The following PAPSS1 variants were observed in gnomAD, a reference collection of about 807,000 sequenced individuals.
PAPSS1 encodes bifunctional 3'-phosphoadenosine 5'-phosphosulfate synthase 1.
PAPSS1 carries 50 observed loss-of-function variants against 72.0 expected under a neutral mutation model. The observed-to-expected ratio is 0.69, with a 90% CI of 0.55 to 0.88. The LOEUF (loss-of-function observed/expected upper bound fraction) is 0.88. Among genes scored for constraint, PAPSS1 ranks in the 40% least tolerant of loss-of-function variants. The probability of loss-of-function intolerance (pLI) is 0.00; values close to 1 mark genes in which losing one functional copy is unlikely to be tolerated. For missense variants in PAPSS1, 657 were observed against 782.2 expected (o/e 0.84, Z 1.91); for synonymous variants, 261 against 263.6 (o/e 0.99, Z 0.09).
chr4:107,685,584 GC>G (rs1223133944), intron 4 of PAPSS1, among the ~76,000 whole-genome samples: 2 of 152,146 alleles, frequency 1.3e-5, no homozygotes, highest in Non-Finnish European at 1.5e-5. Context: ...TGGTTAAGCA[GC>G]CTGATCTTTC....
chr4:107,639,613 T>C (rs1726485191), intron 10 of PAPSS1, among the ~76,000 whole-genome samples: 1 of 152,154 alleles, frequency 6.6e-6, no homozygotes, highest in Non-Finnish European at 1.5e-5. Context: ...TACTACTCAA[T>C]AAACTTTGGA....
intron 10 of PAPSS1, among the ~76,000 whole-genome samples, chr4:107,637,281 C>T (rs1578389916): frequency 6.6e-6 from 1 of 152,236 alleles, no homozygotes; most frequent in East Asian, 1.9e-4. Context: ...TCATTTGTTC[C>T]AAATCCATTT....
intron 10 of PAPSS1, among the ~76,000 whole-genome samples, chr4:107,644,115 C>T (rs960977129): frequency 2.0e-5 from 3 of 152,140 alleles, no homozygotes; most frequent in East Asian, 1.9e-4. Context: ...CATGCTCTTT[C>T]GGGTAGTGAG....
intron 2 of PAPSS1, 31 bp from the exon 3 acceptor site, chr4:107,694,037 G>T (rs1472954610): frequency 1.4e-6 from 2 of 1,456,888 alleles, no homozygotes; most frequent in Non-Finnish European, 1.9e-6. Flanking sequence ...CAGATTCCAT[G>T]TGTAAAGTTA....
At chr4:107,714,232 G>C (rs1258156529) in intron 1 of PAPSS1, among the ~76,000 whole-genome samples, 5 of 152,106 alleles carry the variant, frequency 3.3e-5, no homozygotes, top group African/African-American at 1.2e-4. Context: ...AATTCTTAAT[G>C]TTTCCTCTTA....
chr4:107,689,087 C>T (rs888927465), intron 3 of PAPSS1, among the ~76,000 whole-genome samples: 4 of 152,182 alleles, frequency 2.6e-5, no homozygotes, highest in Non-Finnish European at 4.4e-5. Flanking sequence ...CTTGTCTGAA[C>T]GGCCTCAACA....
chr4:107,621,293 G>A (rs1232993950), intron 11 of PAPSS1, among the ~76,000 whole-genome samples: 1 of 152,078 alleles, frequency 6.6e-6, no homozygotes, highest in Non-Finnish European at 1.5e-5. Context: ...CTAGTAGCAT[G>A]GAACGATGCT....
chr4:107,671,634 C>G (rs1727470270), intron 5 of PAPSS1, among the ~76,000 whole-genome samples: 1 of 152,106 alleles, frequency 6.6e-6, no homozygotes, highest in Non-Finnish European at 1.5e-5. Context: ...GTACAGTCAT[C>G]CCTCAGTATC....
chr4:107,704,332 T>A (rs1306876751), intron 1 of PAPSS1, among the ~76,000 whole-genome samples: 2 of 152,226 alleles, frequency 1.3e-5, no homozygotes, highest in East Asian at 3.8e-4. Flanking sequence ...GGATGCCTTT[T>A]ATTTATTTCT....
rs1384884236 is a variant in PAPSS1, at chr4:107,719,814, C to T, written c.60+306G>A. ...GGAGGTTTCAGCAAGCGCCAGTTCA[C>T]GGGTGAAGGATTTTCCTGGGGGTCT... On this transcript the variant is annotated intron_variant, in intron 1 of 11. Coordinates refer to ENST00000265174, the MANE Select transcript of PAPSS1 (RefSeq NM_005443.5). 24 of 1,242,340 alleles carry T rather than the reference C, an allele frequency of 1.9e-5. No individual in the cohort carries two copies. The South Asian group carries it at 4.5e-4, about 23-fold the overall frequency. The allele number at this position is 1,242,340 out of a possible 1,614,324, so 77.0% of individuals were successfully genotyped here.
At chr4:107,697,680 T>C (rs1325381230) in intron 2 of PAPSS1, among the ~76,000 whole-genome samples, 1 of 152,178 alleles carries the variant, frequency 6.6e-6, no homozygotes, top group Non-Finnish European at 1.5e-5. Context: ...AGGAAACTGA[T>C]AATACAAGAT....
At chr4:107,678,561 G>T (rs1727721360) in intron 5 of PAPSS1, among the ~76,000 whole-genome samples, 1 of 151,812 alleles carries the variant, frequency 6.6e-6, no homozygotes, top group Non-Finnish European at 1.5e-5. Context: ...AACATGGGAG[G>T]AAGAGGTAGT....
intron 11 of PAPSS1, among the ~76,000 whole-genome samples, chr4:107,628,732 T>C (rs2110300503): frequency 6.6e-6 from 1 of 152,294 alleles, no homozygotes; most frequent in East Asian, 1.9e-4. Flanking sequence ...CCTACTAAGG[T>C]GTAAAAATAA....
chr4:107,697,291 T>A (rs529880244), intron 2 of PAPSS1, among the ~76,000 whole-genome samples: 54 of 152,310 alleles, frequency 3.5e-4, no homozygotes, highest in Non-Finnish European at 1.5e-4. Context: ...CCCTTTTAAA[T>A]CCCTTACCTT....
chr4:107,676,190 C>T (rs112975107), intron 5 of PAPSS1, among the ~76,000 whole-genome samples: 6 of 152,096 alleles, frequency 3.9e-5, no homozygotes, highest in South Asian at 2.1e-4. Flanking sequence ...CCAGGGCAAT[C>T]AGGCAGGAGA....
chr4:107,628,841 G>C (rs1180747111), intron 11 of PAPSS1, among the ~76,000 whole-genome samples: 1 of 152,220 alleles, frequency 6.6e-6, no homozygotes, highest in Non-Finnish European at 1.5e-5. Flanking sequence ...ACAGGGCAGA[G>C]AAGACAGGAC....
chr4:107,630,110 C>T (rs1327993871), intron 11 of PAPSS1, among the ~76,000 whole-genome samples: 2 of 152,172 alleles, frequency 1.3e-5, no homozygotes, highest in African/African-American at 4.8e-5. Context: ...TCTTTTTTAT[C>T]CCTAGTCTCC....
chr4:107,651,883 G>A (rs1248751570), intron 9 of PAPSS1, among the ~76,000 whole-genome samples: 2 of 152,060 alleles, frequency 1.3e-5, no homozygotes, highest in Non-Finnish European at 2.9e-5. Flanking sequence ...TATGCTTTAG[G>A]TACCATCAAT....
At chr4:107,688,626 C>T (rs1560585928) in intron 3 of PAPSS1, among the ~76,000 whole-genome samples, 1 of 152,068 alleles carries the variant, frequency 6.6e-6, no homozygotes, top group Non-Finnish European at 1.5e-5. Context: ...TCCTCCTGGG[C>T]TCCTCCTATT....
Sources: gnomAD v4.1 joint callset for allele counts (sites outside exome capture counted in the v4.1 genomes callset) on GRCh38, gnomAD v4.1.1 for gene constraint, MANE v1.5 for transcripts, NCBI Gene and HGNC (gene_info 2026-07-23, HGNC 2026-07-21) for gene names.